Variants in PLEKHM3 observed in about 807,000 individuals in gnomAD.
PLEKHM3 encodes pleckstrin homology domain-containing family M member 3.
Under a neutral mutation model 81.8 loss-of-function variants are expected in PLEKHM3, and 45 were observed. That is an observed-to-expected ratio of 0.55 (90% CI 0.43 to 0.71). The LOEUF (loss-of-function observed/expected upper bound fraction) is 0.71. Among genes scored for constraint, PLEKHM3 ranks in the 30% least tolerant of loss-of-function variants. PLEKHM3 has a pLI of 0.00. For synonymous variants in PLEKHM3, 352 were observed against 356.4 expected (o/e 0.99, Z 0.14); for missense variants, 788 against 924.3 (o/e 0.85, Z 1.91).
At chr2:207,858,180 A>ATATATATT (rs751293954) in intron 7 of PLEKHM3, among the ~76,000 whole-genome samples, 1 of 103,846 alleles carries the variant, frequency 9.6e-6, no homozygotes, top group African/African-American at 3.7e-5. Flanking sequence ...GTGTGTATAT[A>ATATATATT]TTTTTTTTTT....
chr2:207,862,770 T>C (rs1038750741), intron 6 of PLEKHM3, among the ~76,000 whole-genome samples: 7 of 152,180 alleles, frequency 4.6e-5, no homozygotes, highest in Admixed American at 1.3e-4. Flanking sequence ...CTACAAAAAA[T>C]GTAATCATGC....
chr2:208,005,739 T>C (rs1320555415), intron 1 of PLEKHM3, among the ~76,000 whole-genome samples: 1 of 152,236 alleles, frequency 6.6e-6, no homozygotes, highest in Non-Finnish European at 1.5e-5. Flanking sequence ...ATATAAGCTC[T>C]ACAAGTCCAG....
intron 7 of PLEKHM3, among the ~76,000 whole-genome samples, chr2:207,833,775 A>G (rs1402106200): frequency 1.3e-5 from 2 of 152,206 alleles, no homozygotes; most frequent in Non-Finnish European, 2.9e-5. Flanking sequence ...AATCTAGTGG[A>G]AAATGCATCA....
At position 208,001,541 on chromosome 2, in the gene PLEKHM3, C is replaced by T. The variant is rs2106092504; in HGVS notation, c.99G>A (p.Gln33=). Residue 33 remains glutamine, a synonymous_variant, in exon 2 of 8, where the codon CAG becomes CAA. Coordinates refer to ENST00000427836, the MANE Select transcript of PLEKHM3 (RefSeq NM_001080475.3). ...CTTCCTGGATCCCATAAACCTCTGCCTGCTGCACAGCCTTTTCTAGATTAC... is the reference window on the plus strand; with the variant it reads ...CTTCCTGGATCCCATAAACCTCTGCTTGCTGCACAGCCTTTTCTAGATTAC... The part of the protein sequence containing the change: ...LDSNLEKAVQ[Q]AEVYGIQEVP... The T allele has an allele frequency of 6.2e-7, 1 of 1,614,192 alleles. No individual in the cohort carries two copies.
chr2:207,879,119 A>T (rs2092573859), intron 6 of PLEKHM3, among the ~76,000 whole-genome samples: 1 of 152,168 alleles, frequency 6.6e-6, no homozygotes, highest in Non-Finnish European at 1.5e-5. Context: ...TTCTCTCTGT[A>T]ACTTCCCCAA....
At chr2:207,883,741 CA>C (rs1559220561) in intron 6 of PLEKHM3, among the ~76,000 whole-genome samples, 1 of 151,898 alleles carries the variant, frequency 6.6e-6, no homozygotes, top group Non-Finnish European at 1.5e-5. Flanking sequence ...AAATTATGAA[CA>C]AAAAACTAGA....
At position 207,865,801 on chromosome 2, in the gene PLEKHM3, A is replaced by AAAAAAAAT; in HGVS notation, c.1951-4540_1951-4539insATTTTTTT. On this transcript the variant is annotated intron_variant, in intron 6 of 7. Coordinates refer to ENST00000427836, the MANE Select transcript of PLEKHM3 (RefSeq NM_001080475.3). ...CGACTCAAAAAAAAAAAAAAAAAAA[A>AAAAAAAAT]AGATATATATATATATATATATATA... Among the ~76,000 whole-genome samples the AAAAAAAAT allele has an allele frequency of 3.8e-3, 96 of 25,264 alleles. 14 individuals carry two copies. Among genetic ancestry groups the AAAAAAAAT allele is most frequent in the Non-Finnish European group, 4.3e-3 (57 of 13,178 alleles). 16.6% of individuals were successfully genotyped at this position (25,264 alleles called of 152,430 possible). A position where few individuals can be genotyped will look rare whatever the true frequency, so the allele number is the denominator to read the frequency against.
intron 5 of PLEKHM3, among the ~76,000 whole-genome samples, chr2:207,909,288 G>A (rs573535829): frequency 3.3e-5 from 5 of 152,286 alleles, no homozygotes; most frequent in South Asian, 2.1e-4. Flanking sequence ...AAAATAATCC[G>A]TTATGGGTAA....
intron 7 of PLEKHM3, among the ~76,000 whole-genome samples, chr2:207,833,044 AGAG>A (rs2092297182): frequency 6.7e-6 from 1 of 150,214 alleles, no homozygotes; most frequent in East Asian, 2.0e-4. Context: ...CCCAGGAGAC[AGAG>A]GCTGCAGTCA....
At chr2:207,983,393 C>A (rs1429623218) in intron 2 of PLEKHM3, among the ~76,000 whole-genome samples, 1 of 152,038 alleles carries the variant, frequency 6.6e-6, no homozygotes, top group African/African-American at 2.4e-5. Context: ...GCACACCTAA[C>A]CCAAGTTATT....
At chr2:207,997,923 A>T (rs1692174296) in intron 2 of PLEKHM3, among the ~76,000 whole-genome samples, 1 of 152,196 alleles carries the variant, frequency 6.6e-6, no homozygotes, top group South Asian at 2.1e-4. Context: ...CAAAGGTTTT[A>T]AAATAAATTT....
intron 1 of PLEKHM3, among the ~76,000 whole-genome samples, chr2:208,012,386 T>C (rs1332392125): frequency 6.6e-6 from 1 of 152,248 alleles, no homozygotes; most frequent in Non-Finnish European, 1.5e-5. Flanking sequence ...AGAGAACCCA[T>C]GATTCATTTA....
rs188873859 is a variant in PLEKHM3 at position 208,011,529 on chromosome 2, T to C, written c.-318-9572A>G. ...CAGGAATGAAAAACCAAACATCGTA[T>C]GTTCTCACTCACAAATGGGAGCTAA... On this transcript the variant is annotated intron_variant, in intron 1 of 7. Transcript: ENST00000427836. Among the ~76,000 whole-genome samples the C allele has an allele frequency of 1.0e-3, 158 of 152,146 alleles. 1 individual carries two copies. Among genetic ancestry groups the C allele is most frequent in the Non-Finnish European group, 1.8e-3 (121 of 68,024 alleles).
intron 1 of PLEKHM3, among the ~76,000 whole-genome samples, chr2:208,006,952 G>C (rs1051601650): frequency 6.6e-6 from 1 of 152,178 alleles, no homozygotes; most frequent in African/African-American, 2.4e-5. Context: ...GTTAGGCAAG[G>C]CTAATTAACA....
chr2:207,860,149 C>CTGTGTGTGTGTGTGTGTGTGTGTG, intron 7 of PLEKHM3, among the ~76,000 whole-genome samples: 1 of 63,836 alleles, frequency 1.6e-5, no homozygotes, highest in Admixed American at 1.6e-4. Context: ...TGAACTCTGC[C>CTGTGTGTGTGTGTGTGTGTGTGTG]TCTGTGTGTG....
chr2:207,958,845 G>C (rs930743108), intron 3 of PLEKHM3, among the ~76,000 whole-genome samples: 1 of 152,146 alleles, frequency 6.6e-6, no homozygotes, highest in East Asian at 1.9e-4. Context: ...ATGAGGCAGA[G>C]GCTGCAGTGA....
chr2:207,970,321 G>GC (rs71412447), intron 3 of PLEKHM3, among the ~76,000 whole-genome samples: 3 of 151,340 alleles, frequency 2.0e-5, no homozygotes, highest in Admixed American at 6.6e-5. Flanking sequence ...GGAGGAAAAT[G>GC]CCCCCCCACC....
rs548744383 is a variant in PLEKHM3, at chr2:208,000,907, A to G, written c.610+123T>C. Reference sequence around the variant, plus strand: ...AGATTCTCATGAGCCAGATTAAGAGAGACAAAGGAAAAACCAACAATGATT... The same window carrying G: ...AGATTCTCATGAGCCAGATTAAGAGGGACAAAGGAAAAACCAACAATGATT... On this transcript the variant is annotated intron_variant, in intron 2 of 7. Transcript: ENST00000427836. 1.7e-3 allele frequency: 1,616 copies of G among 940,176 alleles called. 21 individuals are homozygous for G. In the African/African-American group the frequency reaches 0.025, roughly 14 times the overall value. The allele number at this position is 940,176 out of a possible 1,614,324, so 58.2% of individuals were successfully genotyped here.
Position 207,825,805 on chromosome 2 carries a change from C to T in PLEKHM3, c.*2514G>A, listed in dbSNP as rs2105873765. ...CTCTGGGTAGCTGATGGTGATAACA[C>T]ATCGATTTTTTGTTTCCCTTTTGAA... On this transcript the variant is annotated 3_prime_UTR_variant, in exon 8 of 8. Coordinates refer to ENST00000427836, the MANE Select transcript of PLEKHM3 (RefSeq NM_001080475.3). 1 of 152,306 alleles carries T rather than the reference C, an allele frequency of 6.6e-6. No homozygotes were observed. Among genetic ancestry groups the T allele is most frequent in the South Asian group, 2.1e-4 (1 of 4,828 alleles). The allele number at this position is 152,306 out of a possible 1,614,324, so 9.4% of individuals were successfully genotyped here.
Sources: gnomAD v4.1 joint callset for allele counts (sites outside exome capture counted in the v4.1 genomes callset) on GRCh38, gnomAD v4.1.1 for gene constraint, MANE v1.5 for transcripts, NCBI Gene and HGNC (gene_info 2026-07-23, HGNC 2026-07-21) for gene names.